Variants in MIER2 observed in about 807,000 individuals in gnomAD.
MIER2 encodes the protein mesoderm induction early response protein 2.
In MIER2, 30 loss-of-function variants were observed where a neutral mutation model predicts 67.6. The ratio of observed to expected loss-of-function variants is 0.44; its 90% CI spans 0.33 to 0.60. The LOEUF is 0.60. Ranked by LOEUF, MIER2 falls within the 20% of genes least tolerant of loss-of-function variation. The pLI is 0.02. For missense variants in MIER2, 702 were observed against 745.1 expected (o/e 0.94, Z 0.67); for synonymous variants, 372 against 312.6 (o/e 1.19, Z -2.00).
chr19:311,373 C>T (rs998547748), intron 10 of MIER2, among the ~76,000 whole-genome samples: 1 of 152,232 alleles, frequency 6.6e-6, no homozygotes, highest in Non-Finnish European at 1.5e-5. Context: ...TAAGGAAGGG[C>T]AGAAGGCCCC....
chr19:318,711 G>A (rs1230447855), intron 7 of MIER2, among the ~76,000 whole-genome samples: 1 of 152,152 alleles, frequency 6.6e-6, no homozygotes. Context: ...TAATTACAAA[G>A]AACTGAAATC....
At chr19:329,226 C>T (rs1430528554) in intron 3 of MIER2, among the ~76,000 whole-genome samples, 1 of 152,014 alleles carries the variant, frequency 6.6e-6, no homozygotes, top group Non-Finnish European at 1.5e-5. Context: ...AGCCTAGTCC[C>T]AGCCCTTCTC....
At chr19:319,925 C>T (rs1455241597) in intron 7 of MIER2, among the ~76,000 whole-genome samples, 1 of 152,154 alleles carries the variant, frequency 6.6e-6, no homozygotes, top group Non-Finnish European at 1.5e-5. Context: ...TAAATGTGAG[C>T]ACATCAAACT....
rs1970626238 is a variant in MIER2, at chr19:305,882, T to A, written c.*808A>T. 6.6e-6 allele frequency: 1 copy of A among 151,766 alleles called. No homozygotes were observed. The highest frequency in any genetic ancestry group is 1.5e-5 in the Non-Finnish European group (1 of 67,896). 9.4% of individuals were successfully genotyped at this position (151,766 alleles called of 1,614,324 possible). On this transcript the variant is annotated 3_prime_UTR_variant, in exon 14 of 14. Coordinates refer to ENST00000264819, the MANE Select transcript of MIER2 (RefSeq NM_017550.3). ...GCAGGGCTGGGGAAACAGGCTGGAG[T>A]CTGGCCCCTGCGTGGCCAGCAGGGC...
intron 3 of MIER2, among the ~76,000 whole-genome samples, chr19:328,805 A>G (rs967318815): frequency 6.6e-6 from 1 of 152,224 alleles, no homozygotes; most frequent in Non-Finnish European, 1.5e-5. Context: ...ATAATGGAGA[A>G]GCTGTCAATT....
At chr19:332,736 T>C (rs1600164850) in intron 3 of MIER2, among the ~76,000 whole-genome samples, 1 of 106,372 alleles carries the variant, frequency 9.4e-6, no homozygotes. Flanking sequence ...ATCCGGCCAA[T>C]TTACATGTCA....
intron 1 of MIER2, chr19:340,378 C>A (rs1357857875): frequency 6.6e-6 from 1 of 152,168 alleles, no homozygotes; most frequent in African/African-American, 2.4e-5. Flanking sequence ...TCCTGCTGGT[C>A]GGGAGCACTG....
intron 2 of MIER2, 52 bp downstream of exon 2, chr19:336,031 C>T: frequency 6.4e-7 from 1 of 1,557,970 alleles, no homozygotes; most frequent in Non-Finnish European, 8.8e-7. Flanking sequence ...CTGTCTCTCA[C>T]AGCCACAAAG....
rs530046998 is a variant in MIER2, at chr19:313,546, G to A, written c.753C>T (p.His251=). 6.5e-5 allele frequency: 105 copies of A among 1,613,146 alleles called. No homozygotes were observed. The highest frequency in any genetic ancestry group is 1.1e-4 in the African/African-American group (8 of 75,022). Residue 251 remains histidine (H), a synonymous_variant, in exon 8 of 14, where the codon CAC becomes CAT. Coordinates refer to ENST00000264819, the MANE Select transcript of MIER2 (RefSeq NM_017550.3). ...FLYRAVKRRW[H]EMAGPQLPEG... ...CTGGGAGCTGAGGCCCGGCCATCTC[G>A]TGCCAACGCCGCTTCACCGCCCTGT...
intron 6 of MIER2, 107 bp downstream of exon 6, chr19:326,400 G>T (rs1971750452): frequency 1.0e-6 from 1 of 980,734 alleles, no homozygotes; most frequent in African/African-American, 1.6e-5. Flanking sequence ...GCCACGGCCG[G>T]GATGCCAGGC....
Position 308,135 on chromosome 19 carries a change from C to T in MIER2, c.1198+442G>A, listed in dbSNP as rs537694934. 2.0e-5 allele frequency among the ~76,000 whole-genome samples: 3 copies of T among 152,176 alleles called. No homozygotes were observed. Among genetic ancestry groups the T allele is most frequent in the Non-Finnish European group, 4.4e-5 (3 of 68,024 alleles). On this transcript the variant is annotated intron_variant, in intron 12 of 13. Transcript: ENST00000264819. The surrounding 1 kb of genome is among the most constrained non-coding windows in gnomAD (Gnocchi z 9.1). ...CGGACGCCACATCAGACACCACCAT[C>T]GGACATGGTCCCTACCCGAGGCCCT... is the stretch of plus-strand genomic sequence containing the variant.
intron 7 of MIER2, among the ~76,000 whole-genome samples, chr19:319,087 G>T (rs1971386255): frequency 6.6e-6 from 1 of 151,426 alleles, no homozygotes; most frequent in African/African-American, 2.4e-5. Context: ...AAAAAGGCTG[G>T]GTGCTGGTTC....
chr19:326,534 G>A lies in MIER2; in HGVS notation c.558C>T (p.Asp186=), dbSNP rs1242945635. The A allele has an allele frequency of 1.2e-6, 2 of 1,613,932 alleles. No individual in the cohort carries two copies. Among genetic ancestry groups the A allele is most frequent in the East Asian group, 4.5e-5 (2 of 44,904 alleles). The part of the protein sequence containing the change: ...GSSASSDTEE[D]SLPANKCKKE... ...TCTTACATTTGTTGGCAGGAAGAGA[G>A]TCCTCCTCGGTGTCGGAGGAGGCAG... The change falls in exon 6 of 14, where the codon GAC becomes GAT. Residue 186 remains aspartate, a synonymous_variant. Transcript: ENST00000264819.
chr19:333,241 A>C (rs1421632717), intron 3 of MIER2, among the ~76,000 whole-genome samples: 2 of 92,054 alleles, frequency 2.2e-5, no homozygotes, highest in Non-Finnish European at 4.0e-5. Context: ...CAGGTGATCC[A>C]CCTGCCTCAG....
chr19:309,668 A>G (rs1195751105), intron 10 of MIER2, among the ~76,000 whole-genome samples: 1 of 108,620 alleles, frequency 9.2e-6, no homozygotes, highest in East Asian at 3.1e-4. Context: ...ACACACACAC[A>G]CACACACACA....
chr19:342,763 G>A (rs1036111967), intron 1 of MIER2, among the ~76,000 whole-genome samples: 23 of 151,828 alleles, frequency 1.5e-4, no homozygotes, highest in Middle Eastern at 3.4e-3. Flanking sequence ...GTGGAATATC[G>A]TCAACTTCAC....
chr19:326,791 T>C, intron 5 of MIER2, 193 bp from the exon 6 acceptor site: 2 of 598,408 alleles, frequency 3.3e-6, no homozygotes, highest in Non-Finnish European at 2.9e-6. Context: ...CCTTCCCTTC[T>C]ATGCAGCTGC....
Position 306,606 on chromosome 19 carries a change from A to T in MIER2, c.*84T>A, listed in dbSNP as rs1970660909. ...CTACCCCAAGGCCCGGGGGGTGGGGAAGGGGTCAGGAAGACTGACAGAGGC... is the reference window on the plus strand; with the variant it reads ...CTACCCCAAGGCCCGGGGGGTGGGGTAGGGGTCAGGAAGACTGACAGAGGC... On this transcript the variant is annotated 3_prime_UTR_variant, in exon 14 of 14. Coordinates refer to ENST00000264819, the MANE Select transcript of MIER2 (RefSeq NM_017550.3). The T allele has an allele frequency of 6.6e-7, 1 of 1,524,770 alleles. No homozygotes were observed. The highest frequency in any genetic ancestry group is 8.9e-7 in the Non-Finnish European group (1 of 1,123,772). 94.5% of individuals were successfully genotyped at this position (1,524,770 alleles called of 1,614,324 possible).
rs781767735 is a variant in MIER2, at chr19:338,464, C to T, written c.10-2291G>A. On this transcript the variant is annotated intron_variant, in intron 1 of 13. Coordinates refer to ENST00000264819, the MANE Select transcript of MIER2 (RefSeq NM_017550.3). ...TCCAAGGGAATGTAAAGGCATCCCA[C>T]GTTCATGGCTGAGAAGACAACATTA... Among the ~76,000 whole-genome samples the T allele has an allele frequency of 1.7e-4, 26 of 152,276 alleles. No individual in the cohort carries two copies. The Middle Eastern group carries it at 0.01, about 60-fold the overall frequency.
Sources: allele counts gnomAD v4.1 joint callset (sites outside exome capture counted in the v4.1 genomes callset), GRCh38; gene constraint gnomAD v4.1.1; non-coding constraint Gnocchi (gnomAD v3.1); transcripts MANE v1.5; gene names NCBI Gene and HGNC (gene_info 2026-07-23, HGNC 2026-07-21).